CHIA: variants seen among roughly 807,000 people sequenced by gnomAD.
CHIA encodes chitinase acidic, also known as acidic mammalian chitinase.
Under a neutral mutation model 53.5 loss-of-function variants are expected in CHIA, and 47 were observed. The observed-to-expected ratio is 0.88, with a 90% CI of 0.70 to 1.12. CHIA has a LOEUF of 1.12. Ranked by LOEUF, CHIA falls within the 50% of genes most tolerant of loss-of-function variation. The probability of loss-of-function intolerance (pLI) is 0.00; values close to 1 mark genes in which losing one functional copy is unlikely to be tolerated. For synonymous variants in CHIA, 268 were observed against 222.2 expected (o/e 1.21, Z -1.83); for missense variants, 652 against 592.2 (o/e 1.10, Z -1.05).
intron 1 of CHIA, among the ~76,000 whole-genome samples, chr1:111,299,179 T>C (rs1415582875): frequency 6.6e-6 from 1 of 152,172 alleles, no homozygotes; most frequent in African/African-American, 2.4e-5. Context: ...GCTGGTACCA[T>C]TCCTTCTGAA....
At chr1:111,305,291 C>T (rs1453310564) in intron 1 of CHIA, among the ~76,000 whole-genome samples, 4 of 152,138 alleles carry the variant, frequency 2.6e-5, no homozygotes, top group Admixed American at 1.3e-4. Context: ...ATGGTGCCAA[C>T]CCTTTACATT....
At chr1:111,317,189 C>T (rs530127796) in intron 6 of CHIA, 1 of 160,012 alleles carries the variant, frequency 6.2e-6, no homozygotes, top group South Asian at 1.8e-4. Context: ...ATTACAGTCG[C>T]ACAGATACAG....
In CHIA at chr1:111,312,290, C is replaced by G. The variant is rs772997390; in HGVS notation, c.156C>G (p.Thr52=). The G allele has an allele frequency of 7.4e-6, 12 of 1,614,042 alleles. No individual in the cohort carries two copies. The highest frequency in any genetic ancestry group is 1.0e-5 in the Non-Finnish European group (12 of 1,179,952). The change falls in exon 4 of 12, where the codon ACC becomes ACG. Residue 52 remains threonine (T), a synonymous_variant. Transcript: ENST00000369740. ...ACAACATCGACCCCTGCCTCTGTAC[C>G]CACCTGATCTACGCCTTTGCTGGGA... The part of the protein sequence containing the change: ...MPDNIDPCLC[T]HLIYAFAGRQ...
At chr1:111,302,158 T>A (rs1647812184) in intron 1 of CHIA, among the ~76,000 whole-genome samples, 1 of 152,200 alleles carries the variant, frequency 6.6e-6, no homozygotes, top group South Asian at 2.1e-4. Flanking sequence ...TTTTTCTTAG[T>A]TTATCTAGCT....
intron 9 of CHIA, 115 bp from the exon 10 acceptor site, chr1:111,319,005 T>G (rs144443581): frequency 3.6e-6 from 5 of 1,387,112 alleles, no homozygotes; most frequent in Middle Eastern, 2.0e-4. Flanking sequence ...TAAAAACCTG[T>G]AACTAGAAAT....
intron 8 of CHIA, 61 bp downstream of exon 8, chr1:111,318,170 T>A: frequency 7.0e-7 from 1 of 1,429,090 alleles, no homozygotes; most frequent in East Asian, 2.3e-5. Context: ...ACATAGAGAT[T>A]CAGGCACAAA....
intron 11 of CHIA, 120 bp downstream of exon 11, chr1:111,319,588 G>C: frequency 1.1e-6 from 1 of 912,540 alleles, no homozygotes; most frequent in Non-Finnish European, 1.7e-6. Context: ...TCACCTCACC[G>C]CTCTTGCCCA....
Position 111,293,558 on chromosome 1 carries a change from TGTC to T in CHIA, c.-69+2609_-69+2611del, listed in dbSNP as rs1661156000. 3.3e-5 allele frequency among the ~76,000 whole-genome samples: 5 copies of T among 152,350 alleles called. No individual in the cohort carries two copies. In the South Asian group the frequency reaches 1.0e-3, roughly 32 times the overall value. On this transcript the variant is annotated intron_variant, in intron 1 of 11. Coordinates refer to ENST00000369740, the MANE Select transcript of CHIA (RefSeq NM_201653.4). ...AGTTGCACTTTTACTCTGTTTGCAT[TGTC>T]TTTTGATATACAAACATTTAAAATA...
intron 6 of CHIA, 143 bp from the exon 7 acceptor site, chr1:111,317,538 G>T (rs962759189): frequency 7.1e-6 from 6 of 846,196 alleles, no homozygotes; most frequent in Non-Finnish European, 1.1e-5. Flanking sequence ...TACTTTATTT[G>T]GTTGTTGAGA....
At chr1:111,298,442 A>G (rs2101608640) in intron 1 of CHIA, among the ~76,000 whole-genome samples, 1 of 152,314 alleles carries the variant, frequency 6.6e-6, no homozygotes, top group Non-Finnish European at 1.5e-5. Context: ...TAAGAAACTC[A>G]CTCAAAACCG....
rs371398270 is a variant in CHIA at position 111,310,478 on chromosome 1, T to G, written c.11T>G (p.Leu4Arg). Reference sequence around the variant, plus strand: ...GTGCTGACTGCAACCATGACAAAGCTTATTCTCCTCACAGGTGGGTTTGTA... The same window carrying G: ...GTGCTGACTGCAACCATGACAAAGCGTATTCTCCTCACAGGTGGGTTTGTA... The part of the protein sequence containing the change: MTK[L>R]ILLTGLVLIL... Residue 4 changes from leucine (L) to arginine (R), a missense_variant, in exon 2 of 12, where the codon CTT becomes CGT. Physicochemically the swap from Leu to Arg is moderately radical, Grantham distance 102. Coordinates refer to ENST00000369740, the MANE Select transcript of CHIA (RefSeq NM_201653.4). 9 of 1,614,164 alleles carry G rather than the reference T, an allele frequency of 5.6e-6. No individual in the cohort carries two copies. Among genetic ancestry groups the G allele is most frequent in the South Asian group, 1.1e-5 (1 of 91,076 alleles).
At chr1:111,301,028 A>T (rs1447666296) in intron 1 of CHIA, among the ~76,000 whole-genome samples, 3 of 152,234 alleles carry the variant, frequency 2.0e-5, no homozygotes. Flanking sequence ...AAACACACTG[A>T]GATACTATCT....
chr1:111,301,908 G>C (rs1292037693), intron 1 of CHIA, among the ~76,000 whole-genome samples: 1 of 151,936 alleles, frequency 6.6e-6, no homozygotes. Context: ...CTGTTGCGGG[G>C]TGGGGGATTG....
At chr1:111,319,950 G>A (rs530652024) in intron 11 of CHIA, among the ~76,000 whole-genome samples, 8 of 152,334 alleles carry the variant, frequency 5.3e-5, no homozygotes, top group African/African-American at 1.7e-4. Context: ...CATACATTTG[G>A]TGGTTAGTAA....
At chr1:111,293,407 T>C (rs1661144417) in intron 1 of CHIA, among the ~76,000 whole-genome samples, 4 of 151,994 alleles carry the variant, frequency 2.6e-5, no homozygotes, top group Admixed American at 2.0e-4. Context: ...ATTCAAGTCC[T>C]TTGTCCATTT....
chr1:111,310,345 C>T (rs1403553545), intron 1 of CHIA, 55 bp from the exon 2 acceptor site: 21 of 1,540,434 alleles, frequency 1.4e-5, no homozygotes, highest in Admixed American at 7.9e-5. Flanking sequence ...AGAGAAGGTC[C>T]GTTGATTTAC....
At chr1:111,299,472 A>T (rs61382086) in intron 1 of CHIA, among the ~76,000 whole-genome samples, 42,348 of 152,156 alleles carry the variant, frequency 0.28, 6,189 homozygotes, top group East Asian at 0.36. Context: ...CCATAAACAG[A>T]ACCAATGACA....
chr1:111,315,262 T>G lies in CHIA; in HGVS notation c.315-8T>G. Reference sequence around the variant, plus strand: ...GGTCTCACCCTGCCTTCTTTGGGTCTCCCTCAGTTTCACTGCCATGGTTTC... The same window carrying G: ...GGTCTCACCCTGCCTTCTTTGGGTCGCCCTCAGTTTCACTGCCATGGTTTC... On this transcript the variant is annotated splice_polypyrimidine_tract_variant and splice_region_variant and intron_variant, in intron 5 of 11. Coordinates refer to ENST00000369740, the MANE Select transcript of CHIA (RefSeq NM_201653.4). The G allele has an allele frequency of 1.9e-6, 3 of 1,610,098 alleles. No homozygotes were observed. The South Asian group carries it at 3.3e-5, about 18-fold the overall frequency.
chr1:111,318,900 A>AT (rs1355920301), intron 9 of CHIA, among the ~76,000 whole-genome samples: 1 of 152,234 alleles, frequency 6.6e-6, no homozygotes, highest in Non-Finnish European at 1.5e-5. Flanking sequence ...AATGTAATTT[A>AT]TATTAGCACA....
Sources: allele counts gnomAD v4.1 joint callset (sites outside exome capture counted in the v4.1 genomes callset), GRCh38; gene constraint gnomAD v4.1.1; transcripts MANE v1.5; gene names NCBI Gene and HGNC (gene_info 2026-07-23, HGNC 2026-07-21).